SORBS2: variants seen among roughly 807,000 people sequenced by gnomAD.
SORBS2 encodes the protein sorbin and SH3 domain containing 2.
A neutral mutation model predicts 97.7 loss-of-function variants in SORBS2; 46 were observed. The ratio of observed to expected loss-of-function variants is 0.47; its 90% CI spans 0.37 to 0.60. The LOEUF is 0.60. Among genes scored for constraint, SORBS2 ranks in the 20% least tolerant of loss-of-function variants. The pLI is 0.00. For synonymous variants in SORBS2, 476 were observed against 473.4 expected, an observed-to-expected ratio of 1.01 and a Z score of -0.07; for missense variants, 1,316 against 1,282.3, an observed-to-expected ratio of 1.03 and a Z score of -0.40.
intron 2 of SORBS2, among the ~76,000 whole-genome samples, chr4:185,692,798 A>G (rs771432041): frequency 1.5e-4 from 16 of 106,612 alleles, no homozygotes; most frequent in Non-Finnish European, 2.3e-4. Context: ...ACACATGTAT[A>G]TGTGCACACA....
At chr4:185,741,132 T>C (rs533273044) in intron 2 of SORBS2, among the ~76,000 whole-genome samples, 1 of 152,080 alleles carries the variant, frequency 6.6e-6, no homozygotes, top group South Asian at 2.1e-4. Context: ...TTAGGACCTG[T>C]GGTCAGTACC....
At chr4:185,780,085 G>A (rs994791983) in intron 1 of SORBS2, among the ~76,000 whole-genome samples, 2 of 137,300 alleles carry the variant, frequency 1.5e-5, no homozygotes, top group African/African-American at 5.5e-5. Context: ...GCACAATCTC[G>A]GCTCACCGCA....
At chr4:185,861,270 C>T (rs563212356) in intron 1 of SORBS2, among the ~76,000 whole-genome samples, 2 of 142,130 alleles carry the variant, frequency 1.4e-5, no homozygotes, top group South Asian at 4.3e-4. Context: ...TTGGAATGCC[C>T]TTGGCTGAAG....
chr4:185,721,739 G>A (rs2098516456), intron 2 of SORBS2, among the ~76,000 whole-genome samples: 1 of 152,198 alleles, frequency 6.6e-6, no homozygotes, highest in Admixed American at 6.5e-5. Context: ...GCACGCATTG[G>A]AAAGAAGGGA....
At chr4:185,614,912 T>G in exon 11 of SORBS2, 1 of 1,614,162 alleles carries the variant, frequency 6.2e-7, no homozygotes, top group East Asian at 2.2e-5. Context: ...CGGGCTGGGC[T>G]GGCGGAGGTG....
intron 1 of SORBS2, among the ~76,000 whole-genome samples, chr4:185,905,312 A>AT (rs1259370222): frequency 6.6e-6 from 1 of 152,168 alleles, no homozygotes; most frequent in Non-Finnish European, 1.5e-5. Flanking sequence ...AAATGTACAG[A>AT]TTTGTGTATG....
intron 1 of SORBS2, among the ~76,000 whole-genome samples, chr4:185,819,994 G>A (rs2099195712): frequency 6.6e-6 from 1 of 152,152 alleles, no homozygotes; most frequent in Non-Finnish European, 1.5e-5. Flanking sequence ...TAATTCTGAG[G>A]GCGGTTGTGG....
rs775209042 is a variant in SORBS2 at position 185,874,866 on chromosome 4, T to TTTTTTTTTTTTTGC, written c.-338+81329_-338+81330insGCAAAAAAAAAAAA. Among the ~76,000 whole-genome samples the TTTTTTTTTTTTTGC allele has an allele frequency of 7.9e-5, 9 of 113,524 alleles. No individual in the cohort carries two copies. The South Asian group carries it at 9.5e-4, about 12-fold the overall frequency. The allele number at this position is 113,524 out of a possible 152,430, so 74.5% of individuals were successfully genotyped here. ...GGTTTTACCTTACCCTGATTTTTTTTTTTTTTGCATGCTACAGTATATTGT... is the reference window on the plus strand; with the variant it reads ...GGTTTTACCTTACCCTGATTTTTTTTTTTTTTTTTTTTGCTTTTTTGCATGCTACAGTATATTGT... On this transcript the variant is annotated intron_variant, in intron 1 of 20. Coordinates refer to the SORBS2 transcript ENST00000284776.
intron 1 of SORBS2, among the ~76,000 whole-genome samples, chr4:185,954,669 A>C (rs2099278771): frequency 6.6e-6 from 1 of 152,212 alleles, no homozygotes; most frequent in Non-Finnish European, 1.5e-5. Context: ...TTAAAGATAG[A>C]TAATGCTAGG....
chr4:185,611,912 G>C, exon 12 of SORBS2: 2 of 1,613,952 alleles, frequency 1.2e-6, no homozygotes, highest in South Asian at 1.1e-5. Context: ...TGCCTTGTCT[G>C]TTGGTTCCTG....
chr4:185,612,492 T>C, intron 11 of SORBS2, among the ~76,000 whole-genome samples: 1 of 90,642 alleles, frequency 1.1e-5, no homozygotes, highest in Non-Finnish European at 2.2e-5. Flanking sequence ...TTTATTTCTA[T>C]TTTTTTTTTT....
intron 7 of SORBS2, among the ~76,000 whole-genome samples, chr4:185,621,303 C>T (rs992467325): frequency 1.3e-5 from 2 of 152,106 alleles, no homozygotes; most frequent in Admixed American, 6.5e-5. Flanking sequence ...TTTTAAATTA[C>T]TTTTTCTAAC....
intron 2 of SORBS2, among the ~76,000 whole-genome samples, chr4:185,737,722 TC>T (rs2098696973): frequency 6.6e-6 from 1 of 152,168 alleles, no homozygotes; most frequent in African/African-American, 2.4e-5. Flanking sequence ...GCAAGGACTT[TC>T]CCATTGACCA....
chr4:185,679,471 G>A (rs936803239), intron 2 of SORBS2, among the ~76,000 whole-genome samples: 4 of 152,188 alleles, frequency 2.6e-5, no homozygotes, highest in African/African-American at 9.7e-5. Context: ...CTTTTGGTAA[G>A]GCAGTTGGCA....
intron 2 of SORBS2, among the ~76,000 whole-genome samples, chr4:185,733,818 T>C (rs2098662995): frequency 6.6e-6 from 1 of 152,210 alleles, no homozygotes; most frequent in Non-Finnish European, 1.5e-5. Context: ...TGCTTTCTCC[T>C]GGCCTCATTT....
rs149587526 is a variant in SORBS2 at position 185,885,208 on chromosome 4, C to G, written c.-338+70988G>C. On this transcript the variant is annotated intron_variant, in intron 1 of 20. Transcript: ENST00000284776. Reference sequence around the variant, plus strand: ...AGTGGTCTTTGTAGCCCTCTGATGGCTCGTTGGGGATGGGAAAGTTAGCAA... The same window carrying G: ...AGTGGTCTTTGTAGCCCTCTGATGGGTCGTTGGGGATGGGAAAGTTAGCAA... 2.0e-5 allele frequency among the ~76,000 whole-genome samples: 3 copies of G among 152,318 alleles called. No individual in the cohort carries two copies. The East Asian group carries it at 5.8e-4, about 29-fold the overall frequency.
chr4:185,594,532 G>A (rs1470298130), intron 12 of SORBS2, among the ~76,000 whole-genome samples: 4 of 152,274 alleles, frequency 2.6e-5, no homozygotes, highest in South Asian at 2.1e-4. Context: ...GGAATGCAAC[G>A]AACAATATCC....
At chr4:185,666,218 G>A in intron 4 of SORBS2, 1 of 1,218,420 alleles carries the variant, frequency 8.2e-7, no homozygotes, top group Non-Finnish European at 1.1e-6. Flanking sequence ...TGAGTATGAG[G>A]AAAAAATAAT....
intron 1 of SORBS2, among the ~76,000 whole-genome samples, chr4:185,927,168 G>GATATACATATTATATATAATA (rs1436759178): frequency 6.1e-5 from 9 of 147,470 alleles, no homozygotes; most frequent in Middle Eastern, 3.6e-3. Flanking sequence ...ACATACATAA[G>GATATACATATTATATATAATA]GTATACATAT....
Sources: allele counts gnomAD v4.1 joint callset (sites outside exome capture counted in the v4.1 genomes callset), GRCh38; gene constraint gnomAD v4.1.1; transcripts MANE v1.5; gene names NCBI Gene and HGNC (gene_info 2026-07-23, HGNC 2026-07-21).